The following KTN1 variants were observed in gnomAD, a reference collection of about 807,000 sequenced individuals.
KTN1 encodes kinectin.
KTN1 carries 130 observed loss-of-function variants against 222.5 expected under a neutral mutation model. The ratio of observed to expected loss-of-function variants is 0.58; its 90% CI spans 0.51 to 0.68. The LOEUF is 0.68. Ranked by LOEUF, KTN1 falls within the 30% of genes least tolerant of loss-of-function variation. KTN1 has a pLI of 0.00. For synonymous variants in KTN1, 512 were observed against 496.3 expected, an observed-to-expected ratio of 1.03 and a Z score of -0.42; for missense variants, 1,508 against 1,500.4, an observed-to-expected ratio of 1.01 and a Z score of -0.08.
intron 28 of KTN1, 88 bp downstream of exon 28, chr14:55,653,684 G>A: frequency 1.1e-6 from 1 of 924,226 alleles, no homozygotes; most frequent in Non-Finnish European, 1.7e-6. Flanking sequence ...TGAGTTTCCT[G>A]TACATCATTA....
rs373774989 is a variant in KTN1 at position 55,671,509 on chromosome 14, G to T, written c.3349-57G>T. ...CAGTATTAAGTACTAAAACAAACTT[G>T]AAGCATAAAACTTTCTGGTAGAATT... On this transcript the variant is annotated intron_variant, in intron 35 of 43. Coordinates refer to ENST00000395314, the MANE Select transcript of KTN1 (RefSeq NM_001079521.2). The T allele has an allele frequency of 1.1e-5, 14 of 1,304,236 alleles. No homozygotes were observed. In the East Asian group the frequency reaches 1.2e-4, roughly 11 times the overall value. 80.8% of individuals were successfully genotyped at this position (1,304,236 alleles called of 1,614,324 possible).
At chr14:55,640,294 C>A in intron 14 of KTN1, 80 bp from the exon 15 acceptor site, 1 of 991,888 alleles carries the variant, frequency 1.0e-6, no homozygotes, top group Non-Finnish European at 1.5e-6. Context: ...ATTTGCTTAA[C>A]TCTTTTGTAG....
intron 1 of KTN1, among the ~76,000 whole-genome samples, chr14:55,587,240 GCTAA>G (rs1361136227): frequency 6.6e-6 from 1 of 152,128 alleles, no homozygotes; most frequent in African/African-American, 2.4e-5. Context: ...TATTAGCATG[GCTAA>G]CTGAGTGGTA....
At chr14:55,667,520 T>C (rs1007771802) in intron 34 of KTN1, 190 bp downstream of exon 34, 2 of 357,594 alleles carry the variant, frequency 5.6e-6, no homozygotes, top group African/African-American at 4.2e-5. Context: ...CCTGATACTA[T>C]TGTTTCTATA....
At position 55,661,578 on chromosome 14, in the gene KTN1, A is replaced by AGGG. The variant is rs766395952; in HGVS notation, c.3058_3059insGGG (p.Lys1019_Asp1020insGly). On this transcript the variant is annotated inframe_insertion, in exon 32 of 44. Transcript: ENST00000395314. ...CTCTGGAATGAGTTAGATTCTTTGA[A>AGGG]GGATGCAGTTGAACACCAGAGGAAG... The AGGG allele has an allele frequency of 1.9e-6, 3 of 1,601,962 alleles. No homozygotes were observed. Among genetic ancestry groups the AGGG allele is most frequent in the Non-Finnish European group, 2.6e-6 (3 of 1,169,494 alleles).
chr14:55,645,940 A>G (rs1190660060), intron 18 of KTN1, among the ~76,000 whole-genome samples: 1 of 152,200 alleles, frequency 6.6e-6, no homozygotes, highest in Admixed American at 6.5e-5. Flanking sequence ...AAACAAAAAA[A>G]TGGGAAAAAA....
intron 1 of KTN1, among the ~76,000 whole-genome samples, chr14:55,584,733 G>A (rs1433542900): frequency 6.6e-6 from 1 of 152,106 alleles, no homozygotes; most frequent in Non-Finnish European, 1.5e-5. Flanking sequence ...GTATTACATA[G>A]CTTCTATGAG....
intron 1 of KTN1, among the ~76,000 whole-genome samples, chr14:55,588,172 A>G (rs186832009): frequency 2.4e-4 from 36 of 152,340 alleles, no homozygotes; most frequent in Non-Finnish European, 2.9e-4. Flanking sequence ...ATTGTACGTT[A>G]TATGTATTAT....
intron 14 of KTN1, 76 bp from the exon 15 acceptor site, chr14:55,640,298 T>A (rs2140995721): frequency 9.6e-7 from 1 of 1,037,536 alleles, no homozygotes; most frequent in Non-Finnish European, 1.4e-6. Context: ...GCTTAACTCT[T>A]TTGTAGAAAA....
At chr14:55,634,441 C>G in intron 8 of KTN1, 85 bp from the exon 9 acceptor site, 1 of 1,262,086 alleles carries the variant, frequency 7.9e-7, no homozygotes. Context: ...TAGCTCAGCT[C>G]AGCAAAACTA....
intron 40 of KTN1, 77 bp downstream of exon 40, chr14:55,673,332 CT>C (rs1479183429): frequency 1.8e-5 from 15 of 850,406 alleles, no homozygotes; most frequent in South Asian, 3.4e-5. Flanking sequence ...ACCATCCAGG[CT>C]TTTTTTTCTT....
intron 1 of KTN1, among the ~76,000 whole-genome samples, chr14:55,598,552 GAATT>G (rs1349209782): frequency 2.7e-5 from 4 of 150,266 alleles, no homozygotes; most frequent in East Asian, 1.9e-4. Context: ...TATAAAGTCT[GAATT>G]AATTTTTACT....
chr14:55,678,657 C>G, intron 42 of KTN1: 1 of 478,410 alleles, frequency 2.1e-6, no homozygotes, highest in Non-Finnish European at 3.8e-6. Context: ...GCGGGGGTCC[C>G]CAATTCCTGG....
chr14:55,593,445 C>CAAA (rs200975637), intron 1 of KTN1, among the ~76,000 whole-genome samples: 1 of 139,606 alleles, frequency 7.2e-6, no homozygotes, highest in Non-Finnish European at 1.5e-5. Context: ...CACCCCCCCC[C>CAAA]CAAAAAAAAA....
intron 34 of KTN1, 24 bp downstream of exon 34, chr14:55,667,354 T>A (rs1310233276): frequency 2.2e-6 from 3 of 1,352,352 alleles, no homozygotes; most frequent in Non-Finnish European, 3.1e-6. Context: ...ATTATTTTTT[T>A]AACATGATGA....
intron 41 of KTN1, among the ~76,000 whole-genome samples, chr14:55,676,936 T>C (rs2045932704): frequency 6.6e-6 from 1 of 152,208 alleles, no homozygotes; most frequent in South Asian, 2.1e-4. Flanking sequence ...CAGTTTACTT[T>C]GATACGTGAT....
At chr14:55,625,742 G>T (rs2039730887) in intron 5 of KTN1, among the ~76,000 whole-genome samples, 1 of 152,040 alleles carries the variant, frequency 6.6e-6, no homozygotes, top group Admixed American at 6.6e-5. Flanking sequence ...GTTTGGTGGG[G>T]TATAACATTC....
At chr14:55,648,264 G>T in intron 20 of KTN1, 149 bp downstream of exon 20, 1 of 425,096 alleles carries the variant, frequency 2.4e-6, no homozygotes, top group African/African-American at 2.1e-5. Flanking sequence ...TTTAATTAAA[G>T]TTTTTTTAGA....
chr14:55,671,564 AG>A lies in KTN1; in HGVS notation c.3349del. 1 of 1,601,136 alleles carries A rather than the reference AG, an allele frequency of 6.2e-7. No individual in the cohort carries two copies. Among genetic ancestry groups the A allele is most frequent in the Non-Finnish European group, 8.5e-7 (1 of 1,175,312 alleles). ...AGTTTTTCTTTATTTCGTTCTTTGC[AG>A]GTTCTAGAGCACAAGTTGAAAGAAG... On this transcript the variant is annotated splice_acceptor_variant, in intron 35 of 43. Transcript: ENST00000395314. LOFTEE classifies it high-confidence loss of function.
Sources: gnomAD v4.1 joint callset for allele counts (sites outside exome capture counted in the v4.1 genomes callset) on GRCh38, gnomAD v4.1.1 for gene constraint, MANE v1.5 for transcripts, NCBI Gene and HGNC (gene_info 2026-07-23, HGNC 2026-07-21) for gene names.